Variants in SPOCK3 observed in about 807,000 individuals in gnomAD.
SPOCK3 encodes the protein SPARC (osteonectin), cwcv and kazal like domains proteoglycan 3.
In SPOCK3, 30 loss-of-function variants were observed where a neutral mutation model predicts 56.6. That is an observed-to-expected ratio of 0.53 (90% CI 0.40 to 0.72). The LOEUF is 0.72. Among genes scored for constraint, SPOCK3 ranks in the 30% least tolerant of loss-of-function variants. The pLI, the probability that SPOCK3 is intolerant of heterozygous loss-of-function variation, is 0.00. For synonymous variants in SPOCK3, 196 were observed against 183.3 expected, an observed-to-expected ratio of 1.07 and a Z score of -0.56; for missense variants, 527 against 530.0, an observed-to-expected ratio of 0.99 and a Z score of 0.06.
chr4:166,736,205 T>C (rs1042997430), intron 10 of SPOCK3, among the ~76,000 whole-genome samples: 1 of 152,132 alleles, frequency 6.6e-6, no homozygotes, highest in Admixed American at 6.6e-5. Flanking sequence ...GTGTTAGTTA[T>C]AAAATGTAAA....
intron 3 of SPOCK3, among the ~76,000 whole-genome samples, chr4:167,034,751 T>A (rs1381398917): frequency 1.3e-5 from 2 of 152,138 alleles, no homozygotes; most frequent in African/African-American, 4.8e-5. Flanking sequence ...CATCTACATA[T>A]AAAGCAATGT....
chr4:166,793,923 C>T (rs185325088), intron 6 of SPOCK3, among the ~76,000 whole-genome samples: 1 of 152,062 alleles, frequency 6.6e-6, no homozygotes, highest in Admixed American at 6.6e-5. Flanking sequence ...ATGTGATACA[C>T]CAGAGATTAA....
intron 6 of SPOCK3, among the ~76,000 whole-genome samples, chr4:166,851,152 C>T (rs1360676861): frequency 1.3e-5 from 2 of 152,192 alleles, no homozygotes; most frequent in East Asian, 1.9e-4. Context: ...TCAAGTGGGT[C>T]CCTAACCCCT....
At chr4:167,216,384 A>C (rs368378318) in intron 2 of SPOCK3, among the ~76,000 whole-genome samples, 2 of 152,042 alleles carry the variant, frequency 1.3e-5, no homozygotes, top group South Asian at 4.1e-4. Context: ...GGGAAAAAAA[A>C]TAATTGATCA....
At chr4:166,999,022 G>A (rs1269756179) in intron 4 of SPOCK3, among the ~76,000 whole-genome samples, 1 of 152,146 alleles carries the variant, frequency 6.6e-6, no homozygotes, top group African/African-American at 2.4e-5. Context: ...TAGCATCAAA[G>A]TCAGGATTGA....
intron 2 of SPOCK3, among the ~76,000 whole-genome samples, chr4:167,115,120 G>A (rs1243969894): frequency 2.0e-5 from 3 of 152,082 alleles, no homozygotes; most frequent in Non-Finnish European, 2.9e-5. Context: ...TTCAACCAGA[G>A]AGTGGGAGAC....
At chr4:167,150,300 G>GTT (rs200017662) in intron 2 of SPOCK3, among the ~76,000 whole-genome samples, 18 of 150,812 alleles carry the variant, frequency 1.2e-4, no homozygotes, top group Non-Finnish European at 2.1e-4. Flanking sequence ...ACTACTGATG[G>GTT]TTTTTTTTTA....
chr4:166,925,447 T>C lies in SPOCK3; in HGVS notation c.351-12704A>G, dbSNP rs191501770. Among the ~76,000 whole-genome samples, 50 of 152,188 alleles carry C rather than the reference T, an allele frequency of 3.3e-4. 1 individual carries two copies. The highest frequency in any genetic ancestry group is 1.2e-3 in the African/African-American group (48 of 41,584). On this transcript the variant is annotated intron_variant, in intron 4 of 10. Coordinates refer to ENST00000357545, the MANE Select transcript of SPOCK3 (RefSeq NM_001040159.2). The stretch of plus-strand genomic sequence containing the variant: ...TGCCTGAACCTGAGAATACGCTTAC[T>C]AGTTTAACGTGTGTGTAAAAAGTAC...
intron 8 of SPOCK3, among the ~76,000 whole-genome samples, chr4:166,748,053 T>A (rs4331803): frequency 0.81 from 122,356 of 151,870 alleles, 49,545 homozygotes; most frequent in African/African-American, 0.84. Context: ...GAAAATGGCC[T>A]TACTGCCCAA....
intron 2 of SPOCK3, among the ~76,000 whole-genome samples, chr4:167,094,510 G>GA (rs573751720): frequency 3.3e-5 from 5 of 151,652 alleles, no homozygotes; most frequent in Admixed American, 6.6e-5. Context: ...AAAGTAAAGA[G>GA]AAAAAAATCT....
At chr4:167,056,417 T>C (rs991511221) in intron 3 of SPOCK3, among the ~76,000 whole-genome samples, 10 of 151,840 alleles carry the variant, frequency 6.6e-5, no homozygotes, top group South Asian at 6.2e-4. Context: ...TCACCAGCAA[T>C]GGAACAAAGC....
chr4:167,163,093 TATA>T (rs1025076413), intron 2 of SPOCK3, among the ~76,000 whole-genome samples: 4 of 151,490 alleles, frequency 2.6e-5, no homozygotes, highest in Non-Finnish European at 5.9e-5. Context: ...TAGCTTTTAT[TATA>T]ATTTTTATTT....
chr4:166,897,629 A>G (rs1735531783), intron 5 of SPOCK3, among the ~76,000 whole-genome samples: 1 of 152,128 alleles, frequency 6.6e-6, no homozygotes, highest in Non-Finnish European at 1.5e-5. Flanking sequence ...ACTAAGTACA[A>G]TATTCTTTGT....
rs186505127 is a variant in SPOCK3 at position 167,161,103 on chromosome 4, G to A, written c.189+72882C>T. Among the ~76,000 whole-genome samples, 14 of 152,216 alleles carry A rather than the reference G, an allele frequency of 9.2e-5. No homozygotes were observed. In the East Asian group the frequency reaches 2.5e-3, roughly 27 times the overall value. The stretch of plus-strand genomic sequence containing the variant: ...AAAAGAAACTACCACAGAGTGAACA[G>A]GCAACCTACAGAATGGGAGATAATT... On this transcript the variant is annotated intron_variant, in intron 2 of 10. Coordinates refer to ENST00000357545, the MANE Select transcript of SPOCK3 (RefSeq NM_001040159.2).
chr4:166,862,170 A>C (rs1346923758), intron 6 of SPOCK3, among the ~76,000 whole-genome samples: 1 of 152,110 alleles, frequency 6.6e-6, no homozygotes, highest in Non-Finnish European at 1.5e-5. Context: ...TTGGATCAAA[A>C]GACAGAAATA....
intron 2 of SPOCK3, among the ~76,000 whole-genome samples, chr4:167,229,298 C>T (rs757797782): frequency 6.6e-6 from 1 of 152,074 alleles, no homozygotes; most frequent in Non-Finnish European, 1.5e-5. Context: ...GAGGATCCCT[C>T]AATGCTAAGA....
chr4:167,061,118 GAGAGATAAATTGCAATTCAAC>G (rs1305263460), intron 3 of SPOCK3, among the ~76,000 whole-genome samples: 1 of 151,682 alleles, frequency 6.6e-6, no homozygotes, highest in Non-Finnish European at 1.5e-5. Context: ...TTTTTTTTAT[GAGAGATAAATTGCAATTCAAC>G]ACATTGTCAT....
chr4:167,155,738 G>GA (rs916054900), intron 2 of SPOCK3, among the ~76,000 whole-genome samples: 2 of 152,036 alleles, frequency 1.3e-5, no homozygotes, highest in African/African-American at 4.8e-5. Flanking sequence ...ATAGCAGGGA[G>GA]AAAAATATTG....
chr4:167,175,322 T>A lies in SPOCK3; in HGVS notation c.189+58663A>T, dbSNP rs544880324. Among the ~76,000 whole-genome samples, 159 of 152,306 alleles carry A rather than the reference T, an allele frequency of 1.0e-3. 5 individuals are homozygous for A. The South Asian group carries it at 0.031, about 30-fold the overall frequency. ...CAGCACATTCCCAATTATGGTGTCC[T>A]TTAAAAGAATCACCTTTGTCAAATC... On this transcript the variant is annotated intron_variant, in intron 2 of 10. Coordinates refer to ENST00000357545, the MANE Select transcript of SPOCK3 (RefSeq NM_001040159.2).
Sources: allele counts gnomAD v4.1 joint callset (sites outside exome capture counted in the v4.1 genomes callset), GRCh38; gene constraint gnomAD v4.1.1; transcripts MANE v1.5; gene names NCBI Gene and HGNC (gene_info 2026-07-23, HGNC 2026-07-21).